The following COMMD10 variants were observed in gnomAD, a reference collection of about 807,000 sequenced individuals.
COMMD10 encodes COMM domain-containing protein 10.
In COMMD10, 33 loss-of-function variants were observed where a neutral mutation model predicts 28.9. The ratio of observed to expected loss-of-function variants is 1.14; its 90% CI spans 0.87 to 1.53. The LOEUF is 1.53. Among genes scored for constraint, COMMD10 ranks in the 40% most tolerant of loss-of-function variants. COMMD10 has a pLI of 0.00. For synonymous variants in COMMD10, 110 were observed against 81.7 expected (o/e 1.35, Z -1.87); for missense variants, 310 against 233.4 (o/e 1.33, Z -2.14).
At chr5:116,193,466 T>C (rs545890492) in intron 5 of COMMD10, among the ~76,000 whole-genome samples, 30 of 151,966 alleles carry the variant, frequency 2.0e-4, no homozygotes, top group African/African-American at 7.0e-4. Context: ...AAACTGAAAG[T>C]AAAGGGGTGG....
chr5:116,225,651 G>T (rs756574577), intron 5 of COMMD10, among the ~76,000 whole-genome samples: 1 of 151,972 alleles, frequency 6.6e-6, no homozygotes, highest in Non-Finnish European at 1.5e-5. Context: ...GTTTCTTTGT[G>T]TCTCAGAATT....
chr5:116,138,163 A>G (rs1342142026), intron 5 of COMMD10, among the ~76,000 whole-genome samples: 2 of 152,064 alleles, frequency 1.3e-5, no homozygotes, highest in African/African-American at 4.8e-5. Context: ...CTTATTAATC[A>G]TATACATATA....
intron 2 of COMMD10, among the ~76,000 whole-genome samples, chr5:116,088,470 A>G (rs913968279): frequency 6.6e-6 from 1 of 152,160 alleles, no homozygotes; most frequent in African/African-American, 2.4e-5. Context: ...ACAAAGATGT[A>G]TTATATTTTT....
chr5:116,275,839 C>T (rs1750895205), intron 5 of COMMD10, among the ~76,000 whole-genome samples: 3 of 151,376 alleles, frequency 2.0e-5, no homozygotes, highest in African/African-American at 4.9e-5. Context: ...TTTGCTTCAC[C>T]ATATGTTAAT....
intron 5 of COMMD10, among the ~76,000 whole-genome samples, chr5:116,137,736 A>G (rs1752070718): frequency 6.6e-6 from 1 of 152,016 alleles, no homozygotes; most frequent in African/African-American, 2.4e-5. Context: ...CACACTGGAT[A>G]ACACTGTTTG....
intron 5 of COMMD10, among the ~76,000 whole-genome samples, chr5:116,261,201 T>C (rs1004654798): frequency 1.3e-5 from 2 of 151,768 alleles, no homozygotes; most frequent in Non-Finnish European, 2.9e-5. Flanking sequence ...CCAATATAAC[T>C]AGTTTTGGTT....
At chr5:116,239,707 A>G (rs571572537) in intron 5 of COMMD10, among the ~76,000 whole-genome samples, 1 of 152,180 alleles carries the variant, frequency 6.6e-6, no homozygotes, top group African/African-American at 2.4e-5. Context: ...TGTCATAACT[A>G]TTTAAGCATG....
At chr5:116,271,400 A>G (rs1220537361) in intron 5 of COMMD10, among the ~76,000 whole-genome samples, 1 of 150,252 alleles carries the variant, frequency 6.7e-6, no homozygotes, top group African/African-American at 2.5e-5. Flanking sequence ...TTTAGTAAGC[A>G]TCCCCAAATA....
At chr5:116,165,604 G>A (rs1753063490) in intron 5 of COMMD10, among the ~76,000 whole-genome samples, 1 of 151,804 alleles carries the variant, frequency 6.6e-6, no homozygotes, top group Admixed American at 6.5e-5. Flanking sequence ...GTGTGTGTGT[G>A]TGGGTGTATC....
At chr5:116,268,804 G>C (rs950885209) in intron 5 of COMMD10, among the ~76,000 whole-genome samples, 1 of 151,728 alleles carries the variant, frequency 6.6e-6, no homozygotes, top group Non-Finnish European at 1.5e-5. Context: ...GTACGGACAT[G>C]GATGAAGCTG....
chr5:116,103,991 A>G (rs1272617948), intron 4 of COMMD10, among the ~76,000 whole-genome samples: 1 of 152,068 alleles, frequency 6.6e-6, no homozygotes, highest in Non-Finnish European at 1.5e-5. Flanking sequence ...GGCCTCTGTT[A>G]TGTTCCATTG....
chr5:116,190,568 A>G (rs1748333258), intron 5 of COMMD10, among the ~76,000 whole-genome samples: 1 of 152,170 alleles, frequency 6.6e-6, no homozygotes, highest in Non-Finnish European at 1.5e-5. Flanking sequence ...TTTGGGTTAG[A>G]TTTTCTGTCA....
chr5:116,205,478 T>C (rs189230121), intron 5 of COMMD10, among the ~76,000 whole-genome samples: 1 of 152,312 alleles, frequency 6.6e-6, no homozygotes, highest in East Asian at 1.9e-4. Context: ...TAGGAAACTT[T>C]TCTAGCCTTC....
chr5:116,233,937 A>G (rs955450486), intron 5 of COMMD10, among the ~76,000 whole-genome samples: 2 of 152,172 alleles, frequency 1.3e-5, no homozygotes, highest in Non-Finnish European at 2.9e-5. Flanking sequence ...AGGGTTCTAG[A>G]AGAATCCTTG....
chr5:116,249,620 A>G (rs1257024632), intron 5 of COMMD10, among the ~76,000 whole-genome samples: 1 of 152,114 alleles, frequency 6.6e-6, no homozygotes, highest in East Asian at 1.9e-4. Context: ...AAACATTTGA[A>G]TTCTGAAAGA....
intron 5 of COMMD10, among the ~76,000 whole-genome samples, chr5:116,288,832 A>G (rs1334648479): frequency 8.7e-6 from 1 of 115,338 alleles, no homozygotes; most frequent in Non-Finnish European, 2.0e-5. Flanking sequence ...TTGTTCATGT[A>G]TCATTTTCCT....
chr5:116,283,243 T>G (rs1216048687), intron 5 of COMMD10, among the ~76,000 whole-genome samples: 1 of 151,916 alleles, frequency 6.6e-6, no homozygotes, highest in African/African-American at 2.4e-5. Context: ...ACAAAAACTC[T>G]ACCTTATTTA....
chr5:116,085,123 C>G (rs748363200), intron 1 of COMMD10, 30 bp downstream of exon 1: 5 of 1,601,186 alleles, frequency 3.1e-6, no homozygotes, highest in Middle Eastern at 1.8e-4. Context: ...CTTGCGGTAG[C>G]CGCGCCCAGG....
intron 4 of COMMD10, among the ~76,000 whole-genome samples, chr5:116,093,662 A>C (rs1200195986): frequency 6.6e-6 from 1 of 152,170 alleles, no homozygotes; most frequent in Non-Finnish European, 1.5e-5. Context: ...AATCCCTGTT[A>C]GAAACAGAAT....
Sources: allele counts gnomAD v4.1 joint callset (sites outside exome capture counted in the v4.1 genomes callset), GRCh38; gene constraint gnomAD v4.1.1; transcripts MANE v1.5; gene names NCBI Gene and HGNC (gene_info 2026-07-23, HGNC 2026-07-21).